GRIK1: variants seen among roughly 807,000 people sequenced by gnomAD.
The protein encoded by GRIK1 is glutamate receptor ionotropic, kainate 1.
GRIK1 carries 69 observed loss-of-function variants against 105.7 expected under a neutral mutation model. The ratio of observed to expected loss-of-function variants is 0.65; its 90% CI spans 0.54 to 0.80. The LOEUF (loss-of-function observed/expected upper bound fraction) is 0.80, where lower values mean the gene tolerates loss of function less well. Among genes scored for constraint, GRIK1 ranks in the 30% least tolerant of loss-of-function variants. The pLI, the probability that GRIK1 is intolerant of heterozygous loss-of-function variation, is 0.00. For missense variants in GRIK1, 1,109 were observed against 1,167.3 expected (o/e 0.95, Z 0.73); for synonymous variants, 438 against 431.3 (o/e 1.02, Z -0.19).
At chr21:29,784,009 T>C (rs1001951597) in intron 1 of GRIK1, among the ~76,000 whole-genome samples, 7 of 152,210 alleles carry the variant, frequency 4.6e-5, no homozygotes, top group African/African-American at 1.7e-4. Flanking sequence ...CTTGGCTCAC[T>C]GCAAGCTGTG....
intron 1 of GRIK1, among the ~76,000 whole-genome samples, chr21:29,711,701 C>G (rs190866797): frequency 6.6e-6 from 1 of 152,088 alleles, no homozygotes; most frequent in Admixed American, 6.6e-5. Context: ...GTTTACTGCT[C>G]TATGTAACTC....
chr21:29,839,852 G>A (rs546593232), intron 1 of GRIK1, among the ~76,000 whole-genome samples: 19 of 152,254 alleles, frequency 1.2e-4, no homozygotes, highest in East Asian at 7.7e-4. Flanking sequence ...CACTAATCTC[G>A]CTGGTGGTGG....
intron 1 of GRIK1, among the ~76,000 whole-genome samples, chr21:29,856,136 G>C (rs1158607405): frequency 6.6e-6 from 1 of 152,146 alleles, no homozygotes; most frequent in Non-Finnish European, 1.5e-5. Flanking sequence ...AGTCAGCCCA[G>C]TGGTGGGTGT....
intron 1 of GRIK1, among the ~76,000 whole-genome samples, chr21:29,794,610 A>G (rs2066506965): frequency 6.6e-6 from 1 of 152,226 alleles, no homozygotes; most frequent in Non-Finnish European, 1.5e-5. Flanking sequence ...CTTTCTGAAT[A>G]GTACCTAGGC....
At chr21:29,931,277 G>A (rs2071554758) in intron 1 of GRIK1, among the ~76,000 whole-genome samples, 1 of 152,262 alleles carries the variant, frequency 6.6e-6, no homozygotes, top group African/African-American at 2.4e-5. Flanking sequence ...TATCTTGGTT[G>A]TGACAGTTTT....
At chr21:29,828,809 T>G (rs960026954) in intron 1 of GRIK1, among the ~76,000 whole-genome samples, 7 of 152,158 alleles carry the variant, frequency 4.6e-5, no homozygotes, top group African/African-American at 1.4e-4. Flanking sequence ...TCCTATTTTC[T>G]TTAGTTCTTA....
intron 1 of GRIK1, among the ~76,000 whole-genome samples, chr21:29,747,112 A>G (rs997369238): frequency 6.6e-6 from 1 of 152,238 alleles, no homozygotes; most frequent in Non-Finnish European, 1.5e-5. Flanking sequence ...CAAACAAATA[A>G]TAAATAAAAG....
intron 1 of GRIK1, among the ~76,000 whole-genome samples, chr21:29,751,483 C>A (rs1292031336): frequency 2.0e-5 from 3 of 152,124 alleles, no homozygotes; most frequent in African/African-American, 4.8e-5. Flanking sequence ...CAAGGTTGCT[C>A]TTGCTGCTAA....
chr21:29,591,010 T>A (rs1320821630), intron 10 of GRIK1, 102 bp downstream of exon 10: 1 of 764,006 alleles, frequency 1.3e-6, no homozygotes, highest in Admixed American at 1.8e-5. Flanking sequence ...AATAGACATT[T>A]GCAGACAGAA....
At chr21:29,904,008 G>A (rs941416012) in intron 1 of GRIK1, among the ~76,000 whole-genome samples, 1 of 152,112 alleles carries the variant, frequency 6.6e-6, no homozygotes, top group Non-Finnish European at 1.5e-5. Context: ...ATCATTCTTA[G>A]CAAACTCTCA....
chr21:29,821,098 A>G (rs1161283338), intron 1 of GRIK1, among the ~76,000 whole-genome samples: 3 of 151,864 alleles, frequency 2.0e-5, no homozygotes, highest in Non-Finnish European at 2.9e-5. Flanking sequence ...TCATTTCCCC[A>G]AAACTTAACT....
At chr21:29,543,496 T>C (rs1008130649) in intron 16 of GRIK1, among the ~76,000 whole-genome samples, 1 of 152,210 alleles carries the variant, frequency 6.6e-6, no homozygotes, top group African/African-American at 2.4e-5. Context: ...TGGGAAGTTT[T>C]TGCATTCCAG....
intron 3 of GRIK1, among the ~76,000 whole-genome samples, chr21:29,683,169 A>C (rs1455952374): frequency 1.3e-5 from 2 of 152,238 alleles, no homozygotes; most frequent in Admixed American, 1.3e-4. Flanking sequence ...GAACACTTAT[A>C]CACTGTTGGT....
intron 1 of GRIK1, among the ~76,000 whole-genome samples, chr21:29,746,830 C>A (rs2145625856): frequency 6.6e-6 from 1 of 152,264 alleles, no homozygotes; most frequent in East Asian, 1.9e-4. Flanking sequence ...TTCAAAGTAA[C>A]TTTTGGTGAT....
At chr21:29,671,960 C>T (rs910406024) in intron 4 of GRIK1, among the ~76,000 whole-genome samples, 4 of 152,062 alleles carry the variant, frequency 2.6e-5, no homozygotes, top group African/African-American at 9.7e-5. Context: ...TATGACCCCC[C>T]AAAATGTCTT....
intron 15 of GRIK1, among the ~76,000 whole-genome samples, chr21:29,560,425 CTTT>C: frequency 7.8e-6 from 1 of 128,132 alleles, no homozygotes; most frequent in Admixed American, 8.3e-5. Context: ...TTCTTTCTTT[CTTT>C]CTTTCTTTCT....
At chr21:29,753,228 A>G (rs1419901380) in intron 1 of GRIK1, among the ~76,000 whole-genome samples, 1 of 152,214 alleles carries the variant, frequency 6.6e-6, no homozygotes, top group Admixed American at 6.5e-5. Context: ...AGTGCGATGA[A>G]ACAAAGGATA....
intron 3 of GRIK1, among the ~76,000 whole-genome samples, chr21:29,676,667 C>T (rs935214340): frequency 2.6e-5 from 4 of 151,946 alleles, no homozygotes; most frequent in South Asian, 2.1e-4. Flanking sequence ...ATGCTGATAA[C>T]GTGAATTTTT....
chr21:29,852,472 C>T (rs987006567), intron 1 of GRIK1, among the ~76,000 whole-genome samples: 15 of 152,140 alleles, frequency 9.9e-5, no homozygotes, highest in African/African-American at 3.6e-4. Flanking sequence ...TTCAATGGCC[C>T]CTTATCAGTT....
Sources: gnomAD v4.1 joint callset for allele counts (sites outside exome capture counted in the v4.1 genomes callset) on GRCh38, gnomAD v4.1.1 for gene constraint, MANE v1.5 for transcripts, NCBI Gene and HGNC (gene_info 2026-07-23, HGNC 2026-07-21) for gene names.